Variants in ZPLD1 observed in about 807,000 individuals in gnomAD.
ZPLD1 encodes the protein zona pellucida like domain containing 1.
A neutral mutation model predicts 47.2 loss-of-function variants in ZPLD1; 34 were observed. The ratio of observed to expected loss-of-function variants is 0.72; its 90% confidence interval spans 0.55 to 0.96. The LOEUF is 0.96. Ranked by LOEUF, ZPLD1 falls within the 40% of genes least tolerant of loss-of-function variation. The pLI is 0.00. For synonymous variants in ZPLD1, 176 were observed against 186.2 expected (o/e 0.95, Z 0.45); for missense variants, 512 against 505.8 (o/e 1.01, Z -0.12).
intron 7 of ZPLD1, among the ~76,000 whole-genome samples, chr3:102,410,669 C>T (rs1339664651): frequency 6.6e-6 from 1 of 151,670 alleles, no homozygotes; most frequent in African/African-American, 2.4e-5. Context: ...ATCAGGAAGC[C>T]ATTTAAAGTT....
At chr3:102,428,783 G>A (rs1706981787) in intron 8 of ZPLD1, among the ~76,000 whole-genome samples, 3 of 150,970 alleles carry the variant, frequency 2.0e-5, no homozygotes, top group South Asian at 4.2e-4. Context: ...AACCTTGGTA[G>A]CATTTCAGTT....
intron 6 of ZPLD1, among the ~76,000 whole-genome samples, chr3:102,387,462 T>C (rs1403413749): frequency 1.3e-5 from 2 of 152,164 alleles, no homozygotes; most frequent in Non-Finnish European, 2.9e-5. Flanking sequence ...AAAATTTATA[T>C]TAGGTATTTT....
rs561212713 is a variant in ZPLD1, at chr3:102,414,168, G to A, written c.-156-3892G>A. Among the ~76,000 whole-genome samples, 19 of 151,822 alleles carry A rather than the reference G, an allele frequency of 1.3e-4. No homozygotes were observed. The South Asian group carries it at 2.7e-3, about 22-fold the overall frequency. ...GTTTGTTTCCTGTTCTAGAGAAGAA[G>A]GGATTCTCAATTTAACTACTGGGTT... On this transcript the variant is annotated intron_variant, in intron 7 of 17. Transcript: ENST00000491959.
rs532844684 is a variant in ZPLD1, at chr3:102,429,373, CTTCTGG to C, written c.-8-9105_-8-9100del. 1.7e-3 allele frequency among the ~76,000 whole-genome samples: 254 copies of C among 152,258 alleles called. 2 individuals carry two copies. Among genetic ancestry groups the C allele is most frequent in the East Asian group, 7.7e-4 (4 of 5,180 alleles). On this transcript the variant is annotated intron_variant, in intron 8 of 17. Coordinates refer to the ZPLD1 transcript ENST00000491959. The stretch of plus-strand genomic sequence containing the variant: ...ACAGAATCTTGCATTTTCTCCCATT[CTTCTGG>C]TCTGGTAGGACCATGGAATTCTTAC...
intron 6 of ZPLD1, among the ~76,000 whole-genome samples, chr3:102,391,297 C>A (rs1706492257): frequency 6.6e-6 from 1 of 152,122 alleles, no homozygotes; most frequent in African/African-American, 2.4e-5. Flanking sequence ...AGACTAAAAG[C>A]AAAGAGAGAA....
At chr3:102,391,213 G>A (rs1330843316) in intron 6 of ZPLD1, among the ~76,000 whole-genome samples, 2 of 152,092 alleles carry the variant, frequency 1.3e-5, no homozygotes, top group Non-Finnish European at 2.9e-5. Flanking sequence ...GTTTTATGAA[G>A]TATTTAAAAA....
chr3:102,456,339 A>G lies in ZPLD1; in HGVS notation c.474A>G (p.Pro158=), dbSNP rs560723470. ...GLLYKFSCSY[P]LEYLVNNTQL... ...TTTACAAATTTAGTTGTAGTTATCC[A>G]TTGGAATACCTGGTTAATAATACCC... Residue 158 remains proline, a synonymous_variant, in exon 5 of 12, where the codon CCA becomes CCG. Transcript: ENST00000466937. 1.2e-6 allele frequency: 2 copies of G among 1,613,422 alleles called. No homozygotes were observed. Among genetic ancestry groups the G allele is most frequent in the African/African-American group, 1.3e-5 (1 of 75,018 alleles).
intron 6 of ZPLD1, among the ~76,000 whole-genome samples, chr3:102,387,051 C>T (rs1236817060): frequency 6.6e-6 from 1 of 152,116 alleles, no homozygotes; most frequent in Non-Finnish European, 1.5e-5. Context: ...TCCATCCTTC[C>T]ATTAAATTAC....
At chr3:102,459,796 G>A (rs1040456432) in intron 6 of ZPLD1, among the ~76,000 whole-genome samples, 2 of 151,968 alleles carry the variant, frequency 1.3e-5, no homozygotes, top group African/African-American at 4.8e-5. Flanking sequence ...TTTACATCTT[G>A]TGTTAGTGTG....
chr3:102,431,900 ACT>A (rs1707020165), upstream of ZPLD1, among the ~76,000 whole-genome samples: 1 of 152,066 alleles, frequency 6.6e-6, no homozygotes, highest in Non-Finnish European at 1.5e-5. Context: ...CAAGAATGAA[ACT>A]CTGTCTCACA....
At chr3:102,400,919 C>T (rs1376661416) in intron 7 of ZPLD1, among the ~76,000 whole-genome samples, 1 of 152,060 alleles carries the variant, frequency 6.6e-6, no homozygotes, top group Non-Finnish European at 1.5e-5. Context: ...TAACCCAGAC[C>T]AGGAGCTGAC....
intron 10 of ZPLD1, 29 bp downstream of exon 10, chr3:102,470,531 T>C (rs1455263447): frequency 6.3e-7 from 1 of 1,579,468 alleles, no homozygotes; most frequent in South Asian, 1.1e-5. Context: ...CTGTATGTAG[T>C]AATAGACGGT....
rs1337685801 is a variant in ZPLD1, at chr3:102,476,955, A to C, written c.1043-57A>C. 3.2e-6 allele frequency: 5 copies of C among 1,571,184 alleles called. No homozygotes were observed. In the East Asian group the frequency reaches 1.1e-4, roughly 35 times the overall value. On this transcript the variant is annotated intron_variant, in intron 10 of 11. Transcript: ENST00000466937. ...AATGTAATTATTAATCAGAATAAACAAAGGTAAATATTTGGAGAGATGATG... is the reference window on the plus strand; with the variant it reads ...AATGTAATTATTAATCAGAATAAACCAAGGTAAATATTTGGAGAGATGATG...
chr3:102,479,623 A>G lies in ZPLD1; in HGVS notation c.*2005A>G, dbSNP rs535028794. On this transcript the variant is annotated 3_prime_UTR_variant, in exon 12 of 12. Transcript: ENST00000466937. The stretch of plus-strand genomic sequence containing the variant: ...AAGAATCAGAGTTATAATGAGATAA[A>G]CCAGGTCTGTTTTTTACAACTTTGT... The G allele has an allele frequency of 9.2e-5, 14 of 152,312 alleles. No homozygotes were observed. In the South Asian group the frequency reaches 2.7e-3, roughly 29 times the overall value. 9.4% of individuals were successfully genotyped at this position (152,312 alleles called of 1,614,324 possible). A position where few individuals can be genotyped will look rare whatever the true frequency, so the allele number is the denominator to read the frequency against.
chr3:102,476,997 G>GT lies in ZPLD1; in HGVS notation c.1043-9dup, dbSNP rs765369645. The GT allele has an allele frequency of 1.1e-5, 18 of 1,612,594 alleles. No homozygotes were observed. Among genetic ancestry groups the GT allele is most frequent in the Non-Finnish European group, 1.3e-5 (15 of 1,179,200 alleles). Reference sequence around the variant, plus strand: ...GAGATGATGTCACTTCTCTTTTTCTGTTTTTTCCCCTCAGATGAGACTCCA... The same window carrying GT: ...GAGATGATGTCACTTCTCTTTTTCTGTTTTTTTCCCCTCAGATGAGACTCCA... On this transcript the variant is annotated splice_polypyrimidine_tract_variant and intron_variant, in intron 10 of 11. Transcript: ENST00000466937.
intron 7 of ZPLD1, among the ~76,000 whole-genome samples, chr3:102,400,702 G>T (rs1314424392): frequency 6.6e-6 from 1 of 151,752 alleles, no homozygotes. Context: ...TCCCTCATTG[G>T]GATAGTGTGA....
intron 3 of ZPLD1, among the ~76,000 whole-genome samples, chr3:102,446,053 C>T (rs1707251144): frequency 6.6e-6 from 1 of 152,132 alleles, no homozygotes; most frequent in African/African-American, 2.4e-5. Flanking sequence ...GAACCCATAT[C>T]AACTGTATAC....
chr3:102,454,553 A>G (rs146753570), intron 4 of ZPLD1, among the ~76,000 whole-genome samples: 2,043 of 152,280 alleles, frequency 0.013, 51 homozygotes, highest in African/African-American at 0.047. Flanking sequence ...AAGCTGAATA[A>G]GTCCGCTATA....
At chr3:102,457,650 A>G (rs1029008779) in intron 5 of ZPLD1, 131 bp from the exon 6 acceptor site, 16 of 754,918 alleles carry the variant, frequency 2.1e-5, no homozygotes, top group African/African-American at 1.8e-4. Context: ...TTTAAACAGT[A>G]TAGCAACTCC....
Sources: allele counts gnomAD v4.1 joint callset (sites outside exome capture counted in the v4.1 genomes callset), GRCh38; gene constraint gnomAD v4.1.1; transcripts MANE v1.5; gene names NCBI Gene and HGNC (gene_info 2026-07-23, HGNC 2026-07-21).